The following KLKB1 variants were observed in gnomAD, a reference collection of about 807,000 sequenced individuals.
The protein encoded by KLKB1 is plasma kallikrein.
A neutral mutation model predicts 73.6 loss-of-function variants in KLKB1; 58 were observed. The observed-to-expected ratio is 0.79, with a 90% CI of 0.64 to 0.98. The LOEUF is 0.98. Among genes scored for constraint, KLKB1 ranks in the 50% least tolerant of loss-of-function variants. The probability of loss-of-function intolerance (pLI) is 0.00; values close to 1 mark genes in which losing one functional copy is unlikely to be tolerated. For synonymous variants in KLKB1, 280 were observed against 258.1 expected (o/e 1.08, Z -0.81); for missense variants, 737 against 763.8 (o/e 0.96, Z 0.41).
At chr4:186,250,474 A>G (rs751121656) in intron 7 of KLKB1, 72 bp downstream of exon 7, 5 of 1,529,334 alleles carry the variant, frequency 3.3e-6, no homozygotes, top group Non-Finnish European at 4.5e-6. Context: ...TACTTTCATC[A>G]CTTTTATAGT....
Position 186,251,586 on chromosome 4 carries a change from C to A in KLKB1, c.968C>A (p.Thr323Lys). The A allele has an allele frequency of 1.2e-6, 2 of 1,614,072 alleles. No individual in the cohort carries two copies. The highest frequency in any genetic ancestry group is 1.7e-6 in the Non-Finnish European group (2 of 1,179,944). The change falls in exon 9 of 15, where the codon ACA (threonine) becomes AAA (lysine). Residue 323 changes from threonine (T) to lysine (K), a missense_variant. Physicochemically the swap from Thr to Lys is moderately conservative, Grantham distance 78. Coordinates refer to ENST00000264690, the MANE Select transcript of KLKB1 (RefSeq NM_000892.5). ...GTGAATGTTTGCCAAGAGACTTGCA[C>A]AAAGATGATTCGCTGTCAGTTTTTC... is the stretch of plus-strand genomic sequence containing the variant. The part of the protein sequence containing the change: ...KGVNVCQETC[T>K]KMIRCQFFTY...
chr4:186,232,350 A>G (rs187970629), intron 3 of KLKB1, 61 bp downstream of exon 3: 1 of 1,476,208 alleles, frequency 6.8e-7, no homozygotes, highest in African/African-American at 1.4e-5. Flanking sequence ...AGTTTTGTGC[A>G]GAAAGGTGTA....
chr4:186,216,612 G>T (rs533643948), intron 2 of KLKB1, among the ~76,000 whole-genome samples: 2 of 152,104 alleles, frequency 1.3e-5, no homozygotes, highest in Non-Finnish European at 2.9e-5. Context: ...ACGTGTCTAA[G>T]GGGAGGTTCT....
upstream of KLKB1, among the ~76,000 whole-genome samples, chr4:186,225,423 C>CTTTTT (rs35336018): frequency 3.7e-5 from 4 of 106,676 alleles, no homozygotes; most frequent in East Asian, 2.8e-4. Context: ...GTGAGGATTT[C>CTTTTT]TTTTTTTTTT....
At chr4:186,226,492 G>A (rs982749662), upstream of KLKB1, 1 of 152,604 alleles carries the variant, frequency 6.6e-6, no homozygotes, top group South Asian at 2.1e-4. Context: ...GTTCTAAGGT[G>A]GGAAGGGCTG....
chr4:186,217,265 C>T (rs1436720747), intron 2 of KLKB1, among the ~76,000 whole-genome samples: 1 of 152,028 alleles, frequency 6.6e-6, no homozygotes, highest in African/African-American at 2.4e-5. Context: ...GATGTGAAGG[C>T]AGGGTGCTTT....
At chr4:186,254,449 CAGA>C (rs1215890272) in intron 11 of KLKB1, 136 bp from the exon 12 acceptor site, 1 of 748,980 alleles carries the variant, frequency 1.3e-6, no homozygotes, top group Admixed American at 2.1e-5. Context: ...GAAAAATTAC[CAGA>C]AGGAGGAATT....
chr4:186,232,039 T>A, intron 2 of KLKB1, 88 bp from the exon 3 acceptor site: 1 of 1,040,776 alleles, frequency 9.6e-7, no homozygotes, highest in Non-Finnish European at 1.4e-6. Flanking sequence ...GAGTAGTCAG[T>A]CAGTGGGAGA....
At chr4:186,256,163 C>T (rs1360652630) in intron 13 of KLKB1, 76 bp downstream of exon 13, 5 of 863,022 alleles carry the variant, frequency 5.8e-6, no homozygotes, top group Non-Finnish European at 9.9e-6. Context: ...TCGTTTTAAT[C>T]GGTTTCTGTC....
chr4:186,242,939 G>A (rs1446510424), intron 6 of KLKB1, among the ~76,000 whole-genome samples: 2 of 132,960 alleles, frequency 1.5e-5, no homozygotes, highest in South Asian at 2.2e-4. Flanking sequence ...TTATCGGATT[G>A]TATAGAGATG....
In KLKB1 at chr4:186,251,527, A is replaced by G. The variant is rs756566354; in HGVS notation, c.909A>G (p.Gly303=). ...HSKIYPGVDF[G]GEELNVTFVK... The stretch of plus-strand genomic sequence containing the variant: ...AAATTTACCCGGGAGTTGACTTTGG[A>G]GGAGAAGAATTGAATGTGACTTTTG... The change falls in exon 9 of 15, where the codon GGA becomes GGG. Residue 303 remains glycine (G), a synonymous_variant. Coordinates refer to ENST00000264690, the MANE Select transcript of KLKB1 (RefSeq NM_000892.5). 6 of 1,613,990 alleles carry G rather than the reference A, an allele frequency of 3.7e-6. No individual in the cohort carries two copies. The African/African-American group carries it at 5.3e-5, about 14-fold the overall frequency.
At chr4:186,236,993 C>A (rs1561453439) in intron 5 of KLKB1, 53 bp downstream of exon 5, 1 of 1,572,640 alleles carries the variant, frequency 6.4e-7, no homozygotes, top group Non-Finnish European at 8.8e-7. Context: ...CAGGATTTCA[C>A]TGTATTCTTC....
chr4:186,228,150 A>T, intron 1 of KLKB1, 45 bp from the exon 2 acceptor site: 2 of 1,055,780 alleles, frequency 1.9e-6, no homozygotes, highest in South Asian at 2.5e-5. Context: ...TTTATGTTAA[A>T]TGTGGTCTAA....
chr4:186,251,941 G>A (rs1234351137), intron 10 of KLKB1, 76 bp from the exon 11 acceptor site: 1 of 1,608,236 alleles, frequency 6.2e-7, no homozygotes, highest in Non-Finnish European at 8.5e-7. Flanking sequence ...GGAATTATGT[G>A]TCTTGTTCTC....
chr4:186,228,167 C>T (rs1561447564), intron 1 of KLKB1, 28 bp from the exon 2 acceptor site: 1 of 1,272,130 alleles, frequency 7.9e-7, no homozygotes, highest in South Asian at 1.2e-5. Flanking sequence ...CTAAAACCAG[C>T]AGAGTTATGT....
At chr4:186,222,111 A>C (rs114805827), upstream of KLKB1, among the ~76,000 whole-genome samples, 1 of 152,300 alleles carries the variant, frequency 6.6e-6, no homozygotes, top group Non-Finnish European at 1.5e-5. Flanking sequence ...ATGTGAATGC[A>C]ATCTCTTTTT....
At chr4:186,233,433 C>T (rs150535018) in intron 3 of KLKB1, among the ~76,000 whole-genome samples, 13 of 152,076 alleles carry the variant, frequency 8.5e-5, no homozygotes, top group African/African-American at 2.9e-4. Context: ...GTAGAGAAAA[C>T]TCAGATTGTA....
At chr4:186,231,283 C>T (rs1737388360) in intron 2 of KLKB1, among the ~76,000 whole-genome samples, 1 of 152,160 alleles carries the variant, frequency 6.6e-6, no homozygotes, top group Admixed American at 6.5e-5. Context: ...AATGTGCTAC[C>T]TGAACAGGAA....
At chr4:186,235,151 G>A (rs185261076) in intron 4 of KLKB1, among the ~76,000 whole-genome samples, 6 of 152,260 alleles carry the variant, frequency 3.9e-5, no homozygotes, top group Non-Finnish European at 7.4e-5. Flanking sequence ...ACGTGAGGTG[G>A]AGTACATTTC....
Sources: allele counts gnomAD v4.1 joint callset (sites outside exome capture counted in the v4.1 genomes callset), GRCh38; gene constraint gnomAD v4.1.1; transcripts MANE v1.5; gene names NCBI Gene and HGNC (gene_info 2026-07-23, HGNC 2026-07-21).